Variants in SNRPC observed in about 807,000 individuals in gnomAD.
SNRPC encodes the protein small nuclear ribonucleoprotein polypeptide C.
SNRPC carries 5 observed loss-of-function variants against 20.0 expected under a neutral mutation model. That is an observed-to-expected ratio of 0.25 (90% CI 0.13 to 0.53). The LOEUF (loss-of-function observed/expected upper bound fraction) is 0.53. SNRPC is among the 20% of genes least tolerant of loss of function. The probability of loss-of-function intolerance (pLI) is 0.96; values close to 1 mark genes in which losing one functional copy is unlikely to be tolerated. For synonymous variants in SNRPC, 61 were observed against 58.7 expected (o/e 1.04, Z -0.18); for missense variants, 112 against 224.1 (o/e 0.50, Z 3.19).
chr6:34,769,663 C>G (rs1252292303), intron 4 of SNRPC, among the ~76,000 whole-genome samples: 8 of 152,112 alleles, frequency 5.3e-5, no homozygotes. Context: ...AGTTCATCAG[C>G]TTTTTGTCAG....
In SNRPC at chr6:34,773,379, A is replaced by G. The variant is rs1764712657; in HGVS notation, c.356-67A>G. The G allele has an allele frequency of 2.0e-6, 3 of 1,498,652 alleles. No individual in the cohort carries two copies. The highest frequency in any genetic ancestry group is 1.8e-6 in the Non-Finnish European group (2 of 1,094,192). 92.8% of individuals were successfully genotyped at this position (1,498,652 alleles called of 1,614,324 possible). On this transcript the variant is annotated intron_variant, in intron 5 of 5. Coordinates refer to ENST00000244520, the MANE Select transcript of SNRPC (RefSeq NM_003093.3). The surrounding 1 kb of genome is among the most constrained non-coding windows in gnomAD (Gnocchi z 4.1). ...GTTTTTTGTTTTTAATTGAAGTCCC[A>G]TCAAACTCTCCCTAAATCGTATTTT...
rs370142637 is a variant in SNRPC, at chr6:34,762,707, T to C, written c.160+4T>C. The C allele has an allele frequency of 3.7e-5, 51 of 1,385,562 alleles. No homozygotes were observed. Among genetic ancestry groups the C allele is most frequent in the Non-Finnish European group, 5.1e-5 (50 of 972,440 alleles). 85.8% of individuals were successfully genotyped at this position (1,385,562 alleles called of 1,614,324 possible). ...CAGAGCCTGATTGACAAAACAAGTA[T>C]GTTTCAATCTCTTGTTCTGCTGTGG... On this transcript the variant is annotated splice_donor_region_variant and intron_variant, in intron 3 of 5. Transcript: ENST00000244520.
chr6:34,763,531 A>T (rs1235077667), intron 3 of SNRPC, among the ~76,000 whole-genome samples: 5 of 151,544 alleles, frequency 3.3e-5, no homozygotes, highest in Non-Finnish European at 5.9e-5. Flanking sequence ...AAATATAAAA[A>T]TTAGCGGGGC....
intron 3 of SNRPC, among the ~76,000 whole-genome samples, chr6:34,764,493 AAAC>A (rs1265626645): frequency 6.6e-6 from 1 of 150,550 alleles, no homozygotes; most frequent in Non-Finnish European, 1.5e-5. Context: ...AAACAAAAAA[AAAC>A]AACAAAAAAC....
At chr6:34,767,499 AG>A (rs1764628351) in intron 3 of SNRPC, among the ~76,000 whole-genome samples, 1 of 152,242 alleles carries the variant, frequency 6.6e-6, no homozygotes, top group South Asian at 2.1e-4. Context: ...ATGCACCTGT[AG>A]CTACTCGGGA....
Position 34,768,013 on chromosome 6 carries a change from T to C in SNRPC, c.250+16T>C. ...CCCAGCCTTCGTAAGTTTAAACTTT[T>C]AATCTTAAGGGGTGTGACGGGGCAG... is the stretch of plus-strand genomic sequence containing the variant. On this transcript the variant is annotated intron_variant, in intron 4 of 5. Transcript: ENST00000244520. The C allele has an allele frequency of 6.2e-7, 1 of 1,605,830 alleles. No individual in the cohort carries two copies.
chr6:34,768,769 A>T (rs906134734), intron 4 of SNRPC, among the ~76,000 whole-genome samples: 1 of 151,086 alleles, frequency 6.6e-6, no homozygotes, highest in Admixed American at 6.6e-5. Flanking sequence ...AAAAAAAAAA[A>T]AGAAAAGAAA....
intron 4 of SNRPC, among the ~76,000 whole-genome samples, chr6:34,768,977 G>A (rs1206489238): frequency 6.6e-6 from 1 of 151,934 alleles, no homozygotes; most frequent in Non-Finnish European, 1.5e-5. Context: ...CACAATCACG[G>A]GTATAAACCC....
intron 4 of SNRPC, 53 bp downstream of exon 4, chr6:34,768,050 A>T (rs956341948): frequency 5.3e-6 from 8 of 1,503,600 alleles, no homozygotes; most frequent in Non-Finnish European, 6.3e-6. Flanking sequence ...CTATCCTTTG[A>T]TTAGGTTAGA....
intron 2 of SNRPC, among the ~76,000 whole-genome samples, chr6:34,759,252 A>G (rs572065618): frequency 6.6e-6 from 1 of 152,298 alleles, no homozygotes; most frequent in South Asian, 2.1e-4. Context: ...GTCTGAATAT[A>G]CAGTTTGTGT....
intron 2 of SNRPC, among the ~76,000 whole-genome samples, chr6:34,760,080 T>G (rs1242543167): frequency 6.6e-6 from 1 of 152,110 alleles, no homozygotes; most frequent in Non-Finnish European, 1.5e-5. Flanking sequence ...GTGGTTCCTC[T>G]TGAAGACATT....
intron 4 of SNRPC, among the ~76,000 whole-genome samples, chr6:34,769,217 TTTTC>T (rs1396138388): frequency 2.0e-5 from 3 of 147,598 alleles, no homozygotes; most frequent in East Asian, 2.0e-4. Context: ...TACCTCACTA[TTTTC>T]TTTCTTTCTT....
intron 2 of SNRPC, among the ~76,000 whole-genome samples, 186 bp from the exon 3 acceptor site, chr6:34,762,409 C>G (rs970196418): frequency 6.6e-6 from 1 of 151,992 alleles, no homozygotes; most frequent in African/African-American, 2.4e-5. Context: ...TTGCTGACCT[C>G]TGGTCTAGAT....
At chr6:34,758,118 CTT>C (rs1451674062) in intron 2 of SNRPC, among the ~76,000 whole-genome samples, 164 bp downstream of exon 2, 1 of 152,070 alleles carries the variant, frequency 6.6e-6, no homozygotes, top group African/African-American at 2.4e-5. Flanking sequence ...CTTCCAGTAA[CTT>C]TGATTAAAAA....
At chr6:34,766,417 T>G (rs1764614350) in intron 3 of SNRPC, among the ~76,000 whole-genome samples, 1 of 152,106 alleles carries the variant, frequency 6.6e-6, no homozygotes, top group African/African-American at 2.4e-5. Flanking sequence ...CAAGCTAGTC[T>G]TTAACTCTGG....
chr6:34,762,445 G>A, intron 2 of SNRPC, 150 bp from the exon 3 acceptor site: 1 of 561,114 alleles, frequency 1.8e-6, no homozygotes, highest in East Asian at 3.1e-5. Context: ...TTACCACAGT[G>A]TGTTGCTGGA....
At chr6:34,762,923 G>A (rs1270649996) in intron 3 of SNRPC, among the ~76,000 whole-genome samples, 1 of 152,212 alleles carries the variant, frequency 6.6e-6, no homozygotes, top group Non-Finnish European at 1.5e-5. Flanking sequence ...AATAAGGTTA[G>A]ATGGGGAAGT....
intron 2 of SNRPC, among the ~76,000 whole-genome samples, chr6:34,760,915 G>C (rs1352497409): frequency 1.3e-5 from 2 of 151,816 alleles, no homozygotes; most frequent in African/African-American, 2.4e-5. Context: ...GGGTGTAGTG[G>C]CACGCGCCTA....
intron 2 of SNRPC, among the ~76,000 whole-genome samples, chr6:34,758,629 A>G (rs1764485846): frequency 6.6e-6 from 1 of 151,974 alleles, no homozygotes; most frequent in South Asian, 2.1e-4. Flanking sequence ...CCGTCTCTTA[A>G]AAAAAAATTT....
Sources: gnomAD v4.1 joint callset for allele counts (sites outside exome capture counted in the v4.1 genomes callset) on GRCh38, gnomAD v4.1.1 for gene constraint, Gnocchi (gnomAD v3.1) non-coding constraint, MANE v1.5 for transcripts, NCBI Gene and HGNC (gene_info 2026-07-23, HGNC 2026-07-21) for gene names.